Variants in KBTBD11 observed in about 807,000 individuals in gnomAD.
KBTBD11 encodes kelch repeat and BTB domain containing 11, also known as kelch repeat and BTB domain-containing protein 11.
For missense variants in KBTBD11, 1,390 were observed against 1,001.8 expected, an observed-to-expected ratio of 1.39 and a Z score of -5.23; for synonymous variants, 747 against 499.0, an observed-to-expected ratio of 1.50 and a Z score of -6.63.
chr8:1,982,757 T>C lies in KBTBD11; in HGVS notation c.-909+8822T>C, dbSNP rs1055436768. Among the ~76,000 whole-genome samples, 65 of 152,034 alleles carry C rather than the reference T, an allele frequency of 4.3e-4. 1 individual carries two copies. The highest frequency in any genetic ancestry group is 6.6e-4 in the Non-Finnish European group (45 of 67,998). ...GAGTTGCTGAGCACTTTTTTTTTTT[T>C]TTTTAGACAGGATCTCACTGTGTCA... On this transcript the variant is annotated intron_variant, in intron 1 of 1. Coordinates refer to ENST00000320248, the MANE Select transcript of KBTBD11 (RefSeq NM_014867.3).
At chr8:1,997,059 C>G (rs1252009978) in intron 1 of KBTBD11, among the ~76,000 whole-genome samples, 1 of 152,176 alleles carries the variant, frequency 6.6e-6, no homozygotes, top group African/African-American at 2.4e-5. Flanking sequence ...TTCTGTGTCG[C>G]CTGGTTGTGA....
Position 1,977,703 on chromosome 8 carries a change from T to A in KBTBD11, c.-909+3768T>A, listed in dbSNP as rs530436374. Reference sequence around the variant, plus strand: ...CACACCCAACTTATTTATTTATTTTTTTTTGTAGTTTTAGTAGAGATGGGG... The same window carrying A: ...CACACCCAACTTATTTATTTATTTTATTTTGTAGTTTTAGTAGAGATGGGG... On this transcript the variant is annotated intron_variant, in intron 1 of 1. Coordinates refer to ENST00000320248, the MANE Select transcript of KBTBD11 (RefSeq NM_014867.3). 4.4e-3 allele frequency among the ~76,000 whole-genome samples: 665 copies of A among 152,116 alleles called. 8 individuals carry two copies. Among genetic ancestry groups the A allele is most frequent in the African/African-American group, 0.015 (641 of 41,478 alleles).
chr8:1,978,489 A>G (rs1816426931), intron 1 of KBTBD11, among the ~76,000 whole-genome samples: 2 of 152,182 alleles, frequency 1.3e-5, no homozygotes, highest in Non-Finnish European at 2.9e-5. Flanking sequence ...GTGACCGTCC[A>G]TGTACTCGCT....
At chr8:1,983,532 G>A (rs968779253) in intron 1 of KBTBD11, among the ~76,000 whole-genome samples, 1 of 152,178 alleles carries the variant, frequency 6.6e-6, no homozygotes, top group Non-Finnish European at 1.5e-5. Flanking sequence ...ATGACCTCAT[G>A]ATGCATCTTT....
At chr8:1,983,124 C>T (rs990979250) in intron 1 of KBTBD11, among the ~76,000 whole-genome samples, 1 of 152,142 alleles carries the variant, frequency 6.6e-6, no homozygotes, top group Non-Finnish European at 1.5e-5. Context: ...CAGTGACCTG[C>T]TAGAGGCCAT....
intron 1 of KBTBD11, among the ~76,000 whole-genome samples, chr8:1,977,951 T>C (rs1816405710): frequency 6.6e-6 from 1 of 152,218 alleles, no homozygotes; most frequent in Non-Finnish European, 1.5e-5. Flanking sequence ...TCCAATATCA[T>C]GGTGGTTCAA....
At chr8:1,999,588 C>T (rs1436010039) in intron 1 of KBTBD11, among the ~76,000 whole-genome samples, 1 of 152,242 alleles carries the variant, frequency 6.6e-6, no homozygotes, top group African/African-American at 2.4e-5. Flanking sequence ...CTGCCTTCCA[C>T]ATACTTCATT....
chr8:1,979,186 A>G (rs1157763464), intron 1 of KBTBD11, among the ~76,000 whole-genome samples: 1 of 152,196 alleles, frequency 6.6e-6, no homozygotes, highest in Non-Finnish European at 1.5e-5. Flanking sequence ...CAGGCTGGAT[A>G]GCCAGGGAAG....
At position 2,005,486 on chromosome 8, in the gene KBTBD11, C is replaced by T. The variant is rs996038708; in HGVS notation, c.*2422C>T. ...TTTGCACCCATGAAACAGAGAAAAGCCACACCCTCCAAGGTGTGGCTTTCA... is the reference window on the plus strand; with the variant it reads ...TTTGCACCCATGAAACAGAGAAAAGTCACACCCTCCAAGGTGTGGCTTTCA... On this transcript the variant is annotated 3_prime_UTR_variant, in exon 2 of 2. Transcript: ENST00000320248. The T allele has an allele frequency of 1.8e-5, 3 of 166,800 alleles. No individual in the cohort carries two copies. The highest frequency in any genetic ancestry group is 7.3e-5 in the African/African-American group (3 of 41,372). 10.3% of individuals were successfully genotyped at this position (166,800 alleles called of 1,614,324 possible).
chr8:1,992,871 G>C (rs1393844929), intron 1 of KBTBD11, among the ~76,000 whole-genome samples: 1 of 151,672 alleles, frequency 6.6e-6, no homozygotes, highest in East Asian at 1.9e-4. Context: ...CCCCTACTTG[G>C]AGCTGTCATG....
Position 2,002,034 on chromosome 8 carries a change from G to T in KBTBD11, c.842G>T (p.Arg281Leu). ...TTCGGCCGCCTGTCGGGCGCAGAGC[G>T]GGACCTGCTGCTGCGCCGCCGCCTG... ...AVFGRLSGAERDLLLRRRLRA... is the reference protein window; with the variant it reads ...AVFGRLSGAELDLLLRRRLRA... Residue 281 changes from arginine to leucine, a missense_variant, in exon 2 of 2, where the codon CGG becomes CTG. Arg to Leu is a moderately radical substitution (Grantham distance 102, BLOSUM62 -2). Transcript: ENST00000320248. This position sits in a 1 kb window ranked among gnomAD's most constrained non-coding sequence, Gnocchi z 4.1. The T allele has an allele frequency of 7.6e-7, 1 of 1,322,018 alleles. No individual in the cohort carries two copies. The highest frequency in any genetic ancestry group is 9.8e-7 in the Non-Finnish European group (1 of 1,024,556). 81.9% of individuals were successfully genotyped at this position (1,322,018 alleles called of 1,614,324 possible). A position where few individuals can be genotyped will look rare whatever the true frequency, so the allele number is the denominator to read the frequency against.
chr8:2,002,785 C>G lies in KBTBD11; in HGVS notation c.1593C>G (p.Ala531=), dbSNP rs982380130. ...GCGTGTCCCGATACCACTGCCTGGC[C>G]AAGCAGTGGAGCCCGTGCGTCGCGC... ...GVSVSRYHCL[A]KQWSPCVAPL... The change falls in exon 2 of 2, where the codon GCC becomes GCG. Residue 531 remains alanine (A), a synonymous_variant. Transcript: ENST00000320248. This position sits in a 1 kb window ranked among gnomAD's most constrained non-coding sequence, Gnocchi z 4.1. 20 of 1,465,854 alleles carry G rather than the reference C, an allele frequency of 1.4e-5. No homozygotes were observed. Among genetic ancestry groups the G allele is most frequent in the South Asian group, 2.7e-5 (2 of 74,598 alleles). The allele number at this position is 1,465,854 out of a possible 1,614,324, so 90.8% of individuals were successfully genotyped here. A position where few individuals can be genotyped will look rare whatever the true frequency, so the allele number is the denominator to read the frequency against.
chr8:1,985,120 G>C (rs896210073), intron 1 of KBTBD11, among the ~76,000 whole-genome samples: 4 of 152,230 alleles, frequency 2.6e-5, no homozygotes, highest in African/African-American at 9.6e-5. Context: ...CCGACAGCCA[G>C]TCAGAGTGGG....
At chr8:1,994,926 G>A (rs1012994161) in intron 1 of KBTBD11, among the ~76,000 whole-genome samples, 1 of 152,224 alleles carries the variant, frequency 6.6e-6, no homozygotes, top group African/African-American at 2.4e-5. Context: ...AGGCGTGATG[G>A]TGGGTGCCTA....
Position 1,974,645 on chromosome 8 carries a change from G to A in KBTBD11, c.-909+710G>A, listed in dbSNP as rs1816261791. ...CCGCGGCTCCCGAGTCCTGCCGGGC[G>A]CCCCTTGCAGCCCCCGCCCCATGTG... On this transcript the variant is annotated intron_variant, in intron 1 of 1. Coordinates refer to ENST00000320248, the MANE Select transcript of KBTBD11 (RefSeq NM_014867.3). 4 of 985,192 alleles carry A rather than the reference G, an allele frequency of 4.1e-6. No individual in the cohort carries two copies. In the South Asian group the frequency reaches 1.9e-4, roughly 46 times the overall value. The allele number at this position is 985,192 out of a possible 1,614,324, so 61.0% of individuals were successfully genotyped here.
chr8:1,987,611 T>G (rs1816747470), intron 1 of KBTBD11, among the ~76,000 whole-genome samples: 1 of 152,144 alleles, frequency 6.6e-6, no homozygotes, highest in South Asian at 2.1e-4. Context: ...CTCGAGGACT[T>G]CTCCGGCTGC....
intron 1 of KBTBD11, chr8:1,974,452 G>T (rs1489011368): frequency 1.0e-6 from 1 of 984,300 alleles, no homozygotes; most frequent in South Asian, 4.7e-5. Flanking sequence ...GGCTCTCGGC[G>T]GTCGCGGGGA....
chr8:2,001,188 C>A lies in KBTBD11; in HGVS notation c.-5C>A, dbSNP rs192520338. 4 of 1,344,284 alleles carry A rather than the reference C, an allele frequency of 3.0e-6. No individual in the cohort carries two copies. In the Admixed American group the frequency reaches 1.0e-4, roughly 35 times the overall value. 83.3% of individuals were successfully genotyped at this position (1,344,284 alleles called of 1,614,324 possible). On this transcript the variant is annotated 5_prime_UTR_variant, in exon 2 of 2. Coordinates refer to ENST00000320248, the MANE Select transcript of KBTBD11 (RefSeq NM_014867.3). ...CGCGCGGGCGCAGCGCAGCACAGCC[C>A]GGCCATGGAGCACGCGGTGGCCCCC... is the stretch of plus-strand genomic sequence containing the variant.
At chr8:1,984,450 G>T (rs1038465288) in intron 1 of KBTBD11, among the ~76,000 whole-genome samples, 1 of 151,882 alleles carries the variant, frequency 6.6e-6, no homozygotes, top group African/African-American at 2.4e-5. Context: ...ACCACACCTG[G>T]CTAATTTTTT....
Sources: gnomAD v4.1 joint callset for allele counts (sites outside exome capture counted in the v4.1 genomes callset) on GRCh38, gnomAD v4.1.1 for gene constraint, Gnocchi (gnomAD v3.1) non-coding constraint, MANE v1.5 for transcripts, NCBI Gene and HGNC (gene_info 2026-07-23, HGNC 2026-07-21) for gene names.